Variants in PLEK observed in about 807,000 individuals in gnomAD.
PLEK encodes pleckstrin, also known as platelet 47 kDa protein.
PLEK carries 25 observed loss-of-function variants against 43.9 expected under a neutral mutation model. That is an observed-to-expected ratio of 0.57 (90% CI 0.41 to 0.79). The LOEUF (loss-of-function observed/expected upper bound fraction) is 0.79, where lower values mean the gene tolerates loss of function less well. Among genes scored for constraint, PLEK ranks in the 30% least tolerant of loss-of-function variants. The probability of loss-of-function intolerance (pLI) is 0.00; values close to 1 mark genes in which losing one functional copy is unlikely to be tolerated. For missense variants in PLEK, 396 were observed against 413.3 expected (o/e 0.96, Z 0.36); for synonymous variants, 152 against 144.4 (o/e 1.05, Z -0.38).
intron 1 of PLEK, among the ~76,000 whole-genome samples, chr2:68,373,568 A>G (rs1216413346): frequency 2.2e-5 from 3 of 137,718 alleles, no homozygotes; most frequent in African/African-American, 8.8e-5. Flanking sequence ...CCTAAAACTT[A>G]AAGTATAATA....
In PLEK at chr2:68,381,934, G is replaced by A. The variant is rs548309742; in HGVS notation, c.381-608G>A. On this transcript the variant is annotated intron_variant, in intron 3 of 8. Coordinates refer to ENST00000234313, the MANE Select transcript of PLEK (RefSeq NM_002664.3). Reference sequence around the variant, plus strand: ...AATGCTCGGGCTATAGGGAGCCACAGGCTACATGGAAGGGGCCTTCTGTTT... The same window carrying A: ...AATGCTCGGGCTATAGGGAGCCACAAGCTACATGGAAGGGGCCTTCTGTTT... 2.3e-3 allele frequency among the ~76,000 whole-genome samples: 354 copies of A among 152,348 alleles called. 1 individual carries two copies. The highest frequency in any genetic ancestry group is 3.3e-3 in the Non-Finnish European group (227 of 68,036).
In PLEK at chr2:68,388,580, G is replaced by C. The variant is rs1056667190; in HGVS notation, c.762+89G>C. ...TTACCCAGTGACTTTTGGTTTGTTT[G>C]GTTAATAGTCAAGCAGAAAATGAAA... On this transcript the variant is annotated intron_variant, in intron 6 of 8. Coordinates refer to ENST00000234313, the MANE Select transcript of PLEK (RefSeq NM_002664.3). 4.3e-6 allele frequency: 3 copies of C among 696,578 alleles called. No homozygotes were observed. The Admixed American group carries it at 6.3e-5, about 15-fold the overall frequency. 43.1% of individuals were successfully genotyped at this position (696,578 alleles called of 1,614,324 possible).
In PLEK at chr2:68,395,904, G is replaced by A. The variant is rs1369350355; in HGVS notation, c.*88G>A. ...CTGTCCACTTCTGTGACAAATCAACGGGAAACAGCCCAGGGGTGGGAAGTT... is the reference window on the plus strand; with the variant it reads ...CTGTCCACTTCTGTGACAAATCAACAGGAAACAGCCCAGGGGTGGGAAGTT... On this transcript the variant is annotated 3_prime_UTR_variant, in exon 9 of 9. Coordinates refer to ENST00000234313, the MANE Select transcript of PLEK (RefSeq NM_002664.3). 3.3e-5 allele frequency: 40 copies of A among 1,206,496 alleles called. No individual in the cohort carries two copies. Among genetic ancestry groups the A allele is most frequent in the Non-Finnish European group, 4.5e-5 (37 of 828,442 alleles). 74.7% of individuals were successfully genotyped at this position (1,206,496 alleles called of 1,614,324 possible).
At chr2:68,378,956 C>G (rs942309584) in intron 1 of PLEK, among the ~76,000 whole-genome samples, 1 of 151,896 alleles carries the variant, frequency 6.6e-6, no homozygotes, top group Admixed American at 6.6e-5. Flanking sequence ...GGTGAAACCC[C>G]GTCTTTACTG....
At chr2:68,386,785 G>C in intron 5 of PLEK, 99 bp downstream of exon 5, 1 of 902,070 alleles carries the variant, frequency 1.1e-6, no homozygotes, top group East Asian at 2.5e-5. Context: ...GCGCTGTTAG[G>C]CAGCGGGTAG....
intron 1 of PLEK, 66 bp from the exon 2 acceptor site, chr2:68,380,262 T>G: frequency 1.5e-6 from 2 of 1,315,316 alleles, no homozygotes; most frequent in Non-Finnish European, 2.1e-6. Flanking sequence ...GAATCTTTCC[T>G]GTTAGGAGGA....
chr2:68,367,300 A>G (rs532274933), intron 1 of PLEK, among the ~76,000 whole-genome samples: 1 of 151,466 alleles, frequency 6.6e-6, no homozygotes, highest in East Asian at 1.9e-4. Flanking sequence ...GTTCAGGAGT[A>G]TAGGTACAGG....
At chr2:68,393,046 A>G in intron 6 of PLEK, 116 bp from the exon 7 acceptor site, 1 of 750,774 alleles carries the variant, frequency 1.3e-6, no homozygotes. Context: ...TGGAGTTAGT[A>G]TTTCATTTTC....
chr2:68,376,290 C>A (rs1673499677), intron 1 of PLEK, among the ~76,000 whole-genome samples: 1 of 152,176 alleles, frequency 6.6e-6, no homozygotes, highest in Non-Finnish European at 1.5e-5. Flanking sequence ...AGAAAACAAA[C>A]CACATAAAGT....
intron 1 of PLEK, among the ~76,000 whole-genome samples, chr2:68,374,873 A>G (rs1241375800): frequency 6.6e-6 from 1 of 152,182 alleles, no homozygotes; most frequent in Admixed American, 6.5e-5. Context: ...TCCATAGTAT[A>G]CATTTACTGT....
At position 68,397,139 on chromosome 2, in the gene PLEK, T is replaced by C. The variant is rs1673976141; in HGVS notation, c.*1323T>C. The C allele has an allele frequency of 6.6e-6, 1 of 152,178 alleles. No homozygotes were observed. The highest frequency in any genetic ancestry group is 1.5e-5 in the Non-Finnish European group (1 of 68,020). 9.4% of individuals were successfully genotyped at this position (152,178 alleles called of 1,614,324 possible). The stretch of plus-strand genomic sequence containing the variant: ...CAGCACCCATTGAAGCAGATATGTG[T>C]GTGAAAGTATATTTTTCAATTCCAG... On this transcript the variant is annotated 3_prime_UTR_variant, in exon 9 of 9. Coordinates refer to ENST00000234313, the MANE Select transcript of PLEK (RefSeq NM_002664.3).
intron 6 of PLEK, among the ~76,000 whole-genome samples, chr2:68,390,015 C>G (rs1673828258): frequency 7.3e-6 from 1 of 136,400 alleles, no homozygotes; most frequent in Non-Finnish European, 1.5e-5. Flanking sequence ...TAGAATGGGG[C>G]TCTTGGAAAG....
intron 1 of PLEK, among the ~76,000 whole-genome samples, chr2:68,375,629 A>C (rs906409903): frequency 1.3e-5 from 2 of 152,244 alleles, no homozygotes; most frequent in African/African-American, 4.8e-5. Context: ...GGACAAGCAA[A>C]GTGATAGTCC....
intron 1 of PLEK, among the ~76,000 whole-genome samples, chr2:68,377,205 A>G (rs1673522831): frequency 6.6e-6 from 1 of 152,274 alleles, no homozygotes; most frequent in East Asian, 1.9e-4. Context: ...AATCTTGTCT[A>G]TTGTGAACAG....
At chr2:68,371,094 A>G (rs1337911791) in intron 1 of PLEK, among the ~76,000 whole-genome samples, 2 of 152,214 alleles carry the variant, frequency 1.3e-5, no homozygotes, top group African/African-American at 4.8e-5. Context: ...GCACCTTGGA[A>G]TAGATGTGTA....
chr2:68,387,921 C>T (rs973317309), intron 5 of PLEK: 2 of 153,960 alleles, frequency 1.3e-5, no homozygotes, highest in African/African-American at 4.8e-5. Flanking sequence ...CCCTCATAAC[C>T]TCAGGGGAAG....
At chr2:68,391,963 A>G (rs1308020591) in intron 6 of PLEK, among the ~76,000 whole-genome samples, 1 of 152,182 alleles carries the variant, frequency 6.6e-6, no homozygotes, top group East Asian at 1.9e-4. Context: ...AAGTACAAAC[A>G]GATATGAAGC....
At position 68,368,998 on chromosome 2, in the gene PLEK, C is replaced by T. The variant is rs1053497239; in HGVS notation, c.42+3605C>T. ...GCTGTGGTAGAAGTGGAAGAGAGCCCGAGAGTCAGGGTCCTGGCCCAGGAG... is the reference window on the plus strand; with the variant it reads ...GCTGTGGTAGAAGTGGAAGAGAGCCTGAGAGTCAGGGTCCTGGCCCAGGAG... On this transcript the variant is annotated intron_variant, in intron 1 of 8. Transcript: ENST00000234313. 3.9e-5 allele frequency among the ~76,000 whole-genome samples: 6 copies of T among 152,254 alleles called. No individual in the cohort carries two copies. In the East Asian group the frequency reaches 7.7e-4, roughly 20 times the overall value.
At chr2:68,384,053 G>C (rs78602412) in intron 4 of PLEK, among the ~76,000 whole-genome samples, 3,551 of 152,214 alleles carry the variant, frequency 0.023, 75 homozygotes, top group African/African-American at 0.045. Context: ...GGGAACAGGA[G>C]GGCATTTCAA....
Sources: allele counts gnomAD v4.1 joint callset (sites outside exome capture counted in the v4.1 genomes callset), GRCh38; gene constraint gnomAD v4.1.1; transcripts MANE v1.5; gene names NCBI Gene and HGNC (gene_info 2026-07-23, HGNC 2026-07-21).